Variants in NXN observed in about 807,000 individuals in gnomAD.
The protein encoded by NXN is nucleoredoxin 1.
In NXN, 16 loss-of-function variants were observed where a neutral mutation model predicts 48.6. The observed-to-expected ratio is 0.33, with a 90% CI of 0.22 to 0.50. NXN has a LOEUF of 0.50. Among genes scored for constraint, NXN ranks in the 20% least tolerant of loss-of-function variants. The pLI is 0.98. For synonymous variants in NXN, 281 were observed against 269.6 expected (o/e 1.04, Z -0.41); for missense variants, 492 against 605.5 (o/e 0.81, Z 1.97).
chr17:934,326 G>T lies in NXN; in HGVS notation c.360+44993C>A, dbSNP rs575037418. On this transcript the variant is annotated intron_variant, in intron 1 of 7. Coordinates refer to ENST00000336868, the MANE Select transcript of NXN (RefSeq NM_022463.5). ...CCGGGCGTGGTGGCGGGCACCTGTA[G>T]TCCCAGCTACTGGGGAGGCTGAGGC... Among the ~76,000 whole-genome samples, 18 of 151,878 alleles carry T rather than the reference G, an allele frequency of 1.2e-4. No individual in the cohort carries two copies. In the South Asian group the frequency reaches 3.7e-3, roughly 32 times the overall value.
At position 853,702 on chromosome 17, in the gene NXN, C is replaced by CATATAT. The variant is rs571601948; in HGVS notation, c.361-27630_361-27625dup. Among the ~76,000 whole-genome samples the CATATAT allele has an allele frequency of 1.9e-3, 223 of 119,294 alleles. 1 individual carries two copies. The highest frequency in any genetic ancestry group is 5.0e-3 in the South Asian group (19 of 3,828). The allele number at this position is 119,294 out of a possible 152,430, so 78.3% of individuals were successfully genotyped here. ...TACTTCTCACTATTTCTGTTATACA[C>CATATAT]ATATATATATATATATATATATTTT... On this transcript the variant is annotated intron_variant, in intron 1 of 7. Transcript: ENST00000336868.
chr17:889,743 GAA>G (rs768728134), intron 1 of NXN, among the ~76,000 whole-genome samples: 16,571 of 100,052 alleles, frequency 0.17, 1,520 homozygotes, highest in Middle Eastern at 0.33. Flanking sequence ...AAGAAAGAAA[GAA>G]AGAAAGAAAG....
At chr17:912,620 A>T (rs1030602401) in intron 1 of NXN, among the ~76,000 whole-genome samples, 7 of 151,894 alleles carry the variant, frequency 4.6e-5, no homozygotes, top group Admixed American at 4.6e-4. Context: ...CTTTACCCAA[A>T]TTGATTTTAA....
rs141813668 is a variant in NXN, at chr17:943,274, C to G, written c.360+36045G>C. ...TGCATGAAGTTACCCAGCGAACCAC[C>G]GACTCCCAGCTCTGTATGAACTACC... On this transcript the variant is annotated intron_variant, in intron 1 of 7. Coordinates refer to ENST00000336868, the MANE Select transcript of NXN (RefSeq NM_022463.5). Among the ~76,000 whole-genome samples, 4 of 152,274 alleles carry G rather than the reference C, an allele frequency of 2.6e-5. No homozygotes were observed. In the East Asian group the frequency reaches 7.7e-4, roughly 29 times the overall value.
intron 5 of NXN, among the ~76,000 whole-genome samples, chr17:806,080 C>A (rs12941818): frequency 0.35 from 52,305 of 149,570 alleles, 11,845 homozygotes; most frequent in African/African-American, 0.64. Context: ...CTGGCCGCAC[C>A]GGAGACTCGA....
At chr17:915,525 T>C (rs1355322973) in intron 1 of NXN, among the ~76,000 whole-genome samples, 2 of 151,928 alleles carry the variant, frequency 1.3e-5, no homozygotes, top group Non-Finnish European at 2.9e-5. Context: ...GCTCAGGCAA[T>C]CAACCTGCCT....
chr17:812,011 T>C (rs1912060074), intron 5 of NXN, among the ~76,000 whole-genome samples: 1 of 135,174 alleles, frequency 7.4e-6, no homozygotes, highest in African/African-American at 2.8e-5. Context: ...CACTGCAAGC[T>C]CCGTCTCCCG....
chr17:906,587 G>C (rs1400051842), intron 1 of NXN, among the ~76,000 whole-genome samples: 1 of 119,460 alleles, frequency 8.4e-6, no homozygotes, highest in Non-Finnish European at 1.7e-5. Flanking sequence ...TTTTTTTTTT[G>C]AGACAGTCTC....
chr17:819,956 A>G (rs879924635), intron 4 of NXN, among the ~76,000 whole-genome samples: 6 of 152,164 alleles, frequency 3.9e-5, no homozygotes, highest in Non-Finnish European at 7.3e-5. Context: ...CCATATACCT[A>G]TGATTCCCCA....
intron 1 of NXN, among the ~76,000 whole-genome samples, chr17:841,048 T>A (rs1468842505): frequency 6.6e-6 from 1 of 152,094 alleles, no homozygotes; most frequent in Non-Finnish European, 1.5e-5. Flanking sequence ...CTCTGCCACT[T>A]TGGGTAAATG....
intron 1 of NXN, among the ~76,000 whole-genome samples, chr17:912,439 C>T (rs1236921617): frequency 2.0e-5 from 3 of 152,116 alleles, no homozygotes; most frequent in South Asian, 4.2e-4. Context: ...CATCAGATTA[C>T]GCTCCCCCAA....
chr17:866,408 C>T (rs186951461), intron 1 of NXN, among the ~76,000 whole-genome samples: 8 of 152,188 alleles, frequency 5.3e-5, no homozygotes, highest in South Asian at 2.1e-4. Context: ...CATGGTGAAA[C>T]GCTGTCTCTA....
chr17:925,483 G>A (rs2068789845), intron 1 of NXN, among the ~76,000 whole-genome samples: 1 of 152,182 alleles, frequency 6.6e-6, no homozygotes, highest in African/African-American at 2.4e-5. Context: ...CCGCCTCCCG[G>A]GTTCAAGCGA....
chr17:965,981 T>C (rs2069297856), intron 1 of NXN, among the ~76,000 whole-genome samples: 1 of 151,780 alleles, frequency 6.6e-6, no homozygotes, highest in South Asian at 2.1e-4. Flanking sequence ...CTGGGTGTGG[T>C]GGCGGGCACC....
chr17:851,970 T>C (rs1488125185), intron 1 of NXN, among the ~76,000 whole-genome samples: 1 of 152,048 alleles, frequency 6.6e-6, no homozygotes, highest in Non-Finnish European at 1.5e-5. Context: ...ACCAGAGACT[T>C]GAAATGGAGA....
At chr17:967,950 C>T (rs1241614995) in intron 1 of NXN, among the ~76,000 whole-genome samples, 1 of 149,318 alleles carries the variant, frequency 6.7e-6, no homozygotes, top group Admixed American at 6.7e-5. Context: ...CTAGCCCAGG[C>T]GACAGAGCGA....
intron 5 of NXN, among the ~76,000 whole-genome samples, chr17:812,734 T>C (rs955263396): frequency 4.3e-5 from 6 of 138,320 alleles, no homozygotes; most frequent in Non-Finnish European, 7.7e-5. Flanking sequence ...TGTGTGAGTG[T>C]AGGGTGCGTG....
At chr17:851,891 TGGAA>T (rs1399569848) in intron 1 of NXN, among the ~76,000 whole-genome samples, 1 of 152,250 alleles carries the variant, frequency 6.6e-6, no homozygotes, top group Non-Finnish European at 1.5e-5. Flanking sequence ...GCTTTCTCTA[TGGAA>T]GGGAGATTAG....
intron 1 of NXN, among the ~76,000 whole-genome samples, chr17:869,047 C>T (rs533682162): frequency 6.6e-6 from 1 of 152,286 alleles, no homozygotes; most frequent in African/African-American, 2.4e-5. Flanking sequence ...CAGGTGGTGG[C>T]TGGGGCAGAT....
Sources: gnomAD v4.1 joint callset for allele counts (sites outside exome capture counted in the v4.1 genomes callset) on GRCh38, gnomAD v4.1.1 for gene constraint, MANE v1.5 for transcripts, NCBI Gene and HGNC (gene_info 2026-07-23, HGNC 2026-07-21) for gene names.